GRIA4: variants seen among roughly 807,000 people sequenced by gnomAD.
GRIA4 encodes the protein glutamate ionotropic receptor AMPA type subunit 4, also known as glutamate receptor 4.
Under a neutral mutation model 104.0 loss-of-function variants are expected in GRIA4, and 34 were observed. The ratio of observed to expected loss-of-function variants is 0.33; its 90% confidence interval spans 0.25 to 0.44. The LOEUF is 0.44. GRIA4 is among the 20% of genes least tolerant of loss of function. The pLI, the probability that GRIA4 is intolerant of heterozygous loss-of-function variation, is 1.00. For synonymous variants in GRIA4, 386 were observed against 381.9 expected, an observed-to-expected ratio of 1.01 and a Z score of -0.13; for missense variants, 750 against 1,096.5, an observed-to-expected ratio of 0.68 and a Z score of 4.46.
intron 3 of GRIA4, among the ~76,000 whole-genome samples, chr11:105,679,067 C>A (rs1952630886): frequency 6.6e-6 from 1 of 152,074 alleles, no homozygotes; most frequent in African/African-American, 2.4e-5. Flanking sequence ...GAAAAAAAAT[C>A]TGGCTCACAG....
Position 105,755,047 on chromosome 11 carries a change from A to G in GRIA4, c.487+1827A>G, listed in dbSNP as rs546875637. ...TCTACATATTGCATAACATATTTTCAGAAACCTGGGGAACAATGTTCTGGG... is the reference window on the plus strand; with the variant it reads ...TCTACATATTGCATAACATATTTTCGGAAACCTGGGGAACAATGTTCTGGG... On this transcript the variant is annotated intron_variant, in intron 4 of 16. Coordinates refer to ENST00000282499, the MANE Select transcript of GRIA4 (RefSeq NM_000829.4). 4.2e-4 allele frequency among the ~76,000 whole-genome samples: 64 copies of G among 152,302 alleles called. 2 individuals are homozygous for G. In the South Asian group the frequency reaches 0.013, roughly 31 times the overall value.
intron 13 of GRIA4, among the ~76,000 whole-genome samples, chr11:105,930,275 G>T (rs1947835656): frequency 6.6e-6 from 1 of 152,014 alleles, no homozygotes. Flanking sequence ...TCATCCCATT[G>T]TCCTGTGTAT....
chr11:105,874,755 C>CG (rs1260498451), intron 5 of GRIA4, among the ~76,000 whole-genome samples: 1 of 152,050 alleles, frequency 6.6e-6, no homozygotes, highest in Non-Finnish European at 1.5e-5. Context: ...GATTTTTGCA[C>CG]TTGATTTTGT....
intron 14 of GRIA4, among the ~76,000 whole-genome samples, chr11:105,940,084 A>G (rs1199397141): frequency 1.3e-5 from 2 of 152,046 alleles, no homozygotes; most frequent in Admixed American, 1.3e-4. Context: ...AGAGGAAGGC[A>G]CTGGGCACAG....
At chr11:105,827,855 T>A (rs1943833025) in intron 4 of GRIA4, among the ~76,000 whole-genome samples, 2 of 152,080 alleles carry the variant, frequency 1.3e-5, no homozygotes, top group Non-Finnish European at 2.9e-5. Flanking sequence ...GACTATCAAC[T>A]AAATTTGCTT....
chr11:105,843,317 A>G (rs1198100687), intron 4 of GRIA4, among the ~76,000 whole-genome samples: 1 of 152,226 alleles, frequency 6.6e-6, no homozygotes, highest in African/African-American at 2.4e-5. Flanking sequence ...TCAAATCTAC[A>G]CTTTATGTTG....
At chr11:105,904,780 A>G (rs1188807463) in intron 8 of GRIA4, among the ~76,000 whole-genome samples, 1 of 152,272 alleles carries the variant, frequency 6.6e-6, no homozygotes, top group East Asian at 1.9e-4. Context: ...TTTGCTTCTT[A>G]TATCTTAATT....
intron 3 of GRIA4, among the ~76,000 whole-genome samples, chr11:105,689,993 T>A (rs567612152): frequency 2.6e-5 from 4 of 152,342 alleles, no homozygotes; most frequent in Admixed American, 6.5e-5. Context: ...TTTTAATTAG[T>A]GCTTATCCTT....
intron 3 of GRIA4, among the ~76,000 whole-genome samples, chr11:105,619,538 AG>A (rs1200996661): frequency 1.6e-4 from 24 of 152,136 alleles, no homozygotes; most frequent in Admixed American, 2.6e-4. Flanking sequence ...AATCACGTAC[AG>A]AAGTCTAAAG....
At chr11:105,614,987 T>C (rs1217488063) in intron 3 of GRIA4, among the ~76,000 whole-genome samples, 1 of 151,960 alleles carries the variant, frequency 6.6e-6, no homozygotes, top group East Asian at 1.9e-4. Context: ...ATGAAACTTA[T>C]TCCTCACCAT....
At chr11:105,962,964 A>G (rs1174167622) in intron 14 of GRIA4, among the ~76,000 whole-genome samples, 1 of 152,144 alleles carries the variant, frequency 6.6e-6, no homozygotes, top group Non-Finnish European at 1.5e-5. Flanking sequence ...TGATATACTT[A>G]ATCAGGGCAA....
intron 3 of GRIA4, among the ~76,000 whole-genome samples, chr11:105,689,425 G>T (rs1450960704): frequency 6.6e-6 from 1 of 152,088 alleles, no homozygotes; most frequent in Admixed American, 6.6e-5. Flanking sequence ...CGTTTTTTCT[G>T]ACCCTTTTAA....
intron 3 of GRIA4, among the ~76,000 whole-genome samples, chr11:105,657,676 T>C (rs999209706): frequency 7.9e-5 from 12 of 152,002 alleles, no homozygotes; most frequent in African/African-American, 2.4e-4. Flanking sequence ...AGATTAGATG[T>C]GTCTCTGATT....
At chr11:105,806,243 G>T (rs1205643999) in intron 4 of GRIA4, among the ~76,000 whole-genome samples, 1 of 151,756 alleles carries the variant, frequency 6.6e-6, no homozygotes, top group Non-Finnish European at 1.5e-5. Context: ...CCCACATAAT[G>T]GGAATAGGAG....
At chr11:105,611,640 G>A (rs1030590205) in intron 2 of GRIA4, among the ~76,000 whole-genome samples, 6 of 151,962 alleles carry the variant, frequency 3.9e-5, no homozygotes, top group Non-Finnish European at 7.4e-5. Flanking sequence ...TTTTCTTCTT[G>A]AAGCTTTTGC....
chr11:105,697,146 A>G (rs1239358206), intron 3 of GRIA4, among the ~76,000 whole-genome samples: 1 of 152,130 alleles, frequency 6.6e-6, no homozygotes, highest in Non-Finnish European at 1.5e-5. Context: ...ATTTTCTATT[A>G]TAGAACAAAA....
At chr11:105,949,605 A>G (rs1446275618) in intron 14 of GRIA4, among the ~76,000 whole-genome samples, 3 of 152,186 alleles carry the variant, frequency 2.0e-5, no homozygotes, top group Admixed American at 6.5e-5. Flanking sequence ...AACAGCATCT[A>G]CAGTATCTGT....
intron 14 of GRIA4, among the ~76,000 whole-genome samples, chr11:105,963,331 T>C (rs1319678978): frequency 6.6e-6 from 1 of 152,142 alleles, no homozygotes; most frequent in Admixed American, 6.5e-5. Flanking sequence ...ACGTGGTTTA[T>C]GTTAAAGTTT....
At chr11:105,708,859 A>C (rs1451225212) in intron 3 of GRIA4, among the ~76,000 whole-genome samples, 1 of 151,966 alleles carries the variant, frequency 6.6e-6, no homozygotes, top group Non-Finnish European at 1.5e-5. Flanking sequence ...CTTAATATTA[A>C]TATTTAATAT....
Sources: gnomAD v4.1 joint callset for allele counts (sites outside exome capture counted in the v4.1 genomes callset) on GRCh38, gnomAD v4.1.1 for gene constraint, MANE v1.5 for transcripts, NCBI Gene and HGNC (gene_info 2026-07-23, HGNC 2026-07-21) for gene names.